Variants in ASTN2 observed in about 807,000 individuals in gnomAD.
ASTN2 encodes the protein astrotactin 2, also known as astrotactin-2.
Under a neutral mutation model 139.8 loss-of-function variants are expected in ASTN2, and 54 were observed. The ratio of observed to expected loss-of-function variants is 0.39; its 90% CI spans 0.31 to 0.48. The LOEUF (loss-of-function observed/expected upper bound fraction) is 0.48, where lower values mean the gene tolerates loss of function less well. ASTN2 is among the 20% of genes least tolerant of loss of function. The pLI, the probability that ASTN2 is intolerant of heterozygous loss-of-function variation, is 0.95. For missense variants in ASTN2, 1,565 were observed against 1,725.1 expected, an observed-to-expected ratio of 0.91 and a Z score of 1.64; for synonymous variants, 756 against 719.5, an observed-to-expected ratio of 1.05 and a Z score of -0.81.
Position 116,976,687 on chromosome 9 carries a change from C to T in ASTN2, c.1676+14G>A, listed in dbSNP as rs1339900361. On this transcript the variant is annotated intron_variant, in intron 8 of 22. Coordinates refer to ENST00000313400, the MANE Select transcript of ASTN2 (RefSeq NM_001365068.1). Reference sequence around the variant, plus strand: ...TCCTGCACTGTCCTGGACCTGATGCCCTTTGCCACTCACCCTTCACTCTGT... The same window carrying T: ...TCCTGCACTGTCCTGGACCTGATGCTCTTTGCCACTCACCCTTCACTCTGT... The T allele has an allele frequency of 2.5e-6, 4 of 1,613,622 alleles. No individual in the cohort carries two copies. The highest frequency in any genetic ancestry group is 3.4e-6 in the Non-Finnish European group (4 of 1,179,662).
rs781667297 is a variant in ASTN2, at chr9:117,291,281, C to T, written c.630+45G>A. On this transcript the variant is annotated intron_variant, in intron 2 of 22. Transcript: ENST00000313400. ...CCCCTCCATCTCTCCACCCATTCCTCCCCCACGCAATCCCCGACCCCGGTC... is the reference window on the plus strand; with the variant it reads ...CCCCTCCATCTCTCCACCCATTCCTTCCCCACGCAATCCCCGACCCCGGTC... The T allele has an allele frequency of 2.5e-6, 4 of 1,602,826 alleles. No individual in the cohort carries two copies. In the South Asian group the frequency reaches 4.5e-5, roughly 18 times the overall value.
rs184129725 is a variant in ASTN2, at chr9:117,007,246, C to T, written c.1591+846G>A. 1.1e-4 allele frequency among the ~76,000 whole-genome samples: 16 copies of T among 152,276 alleles called. No individual in the cohort carries two copies. In the East Asian group the frequency reaches 2.7e-3, roughly 26 times the overall value. On this transcript the variant is annotated intron_variant, in intron 7 of 22. Transcript: ENST00000313400. Reference sequence around the variant, plus strand: ...AACTCCCAGCTTAGCACTCCACATGCTTTGTACATCATTCTTTTCCCCTAC... The same window carrying T: ...AACTCCCAGCTTAGCACTCCACATGTTTTGTACATCATTCTTTTCCCCTAC...
chr9:117,273,380 C>G (rs149598020), intron 2 of ASTN2, among the ~76,000 whole-genome samples: 73 of 152,258 alleles, frequency 4.8e-4, no homozygotes, highest in Non-Finnish European at 9.0e-4. Flanking sequence ...AGTCTGAGCT[C>G]CATCCATTCT....
At chr9:117,221,852 A>AG (rs2133038160) in intron 2 of ASTN2, among the ~76,000 whole-genome samples, 1 of 151,584 alleles carries the variant, frequency 6.6e-6, no homozygotes, top group South Asian at 2.1e-4. Flanking sequence ...TAGAAGAAAA[A>AG]AAAAAAAGAA....
intron 16 of ASTN2, among the ~76,000 whole-genome samples, chr9:116,691,095 T>C (rs986562517): frequency 1.3e-5 from 2 of 152,096 alleles, no homozygotes; most frequent in Non-Finnish European, 2.9e-5. Flanking sequence ...ATCTTTTAAA[T>C]TTATTGTAGA....
chr9:116,569,606 G>A (rs1853408287), intron 19 of ASTN2, among the ~76,000 whole-genome samples: 1 of 152,154 alleles, frequency 6.6e-6, no homozygotes, highest in Admixed American at 6.5e-5. Flanking sequence ...GTTCTCTTCA[G>A]CTTCAATTCA....
In ASTN2 at chr9:117,214,728, C is replaced by G. The variant is rs367559816; in HGVS notation, c.645G>C (p.Ala215=). 2 of 1,500,062 alleles carry G rather than the reference C, an allele frequency of 1.3e-6. No individual in the cohort carries two copies. Among genetic ancestry groups the G allele is most frequent in the African/African-American group, 1.4e-5 (1 of 71,986 alleles). 92.9% of individuals were successfully genotyped at this position (1,500,062 alleles called of 1,614,324 possible). A position where few individuals can be genotyped will look rare whatever the true frequency, so the allele number is the denominator to read the frequency against. Residue 215 remains alanine, a synonymous_variant, in exon 3 of 23, where the codon GCG becomes GCC. Coordinates refer to ENST00000313400, the MANE Select transcript of ASTN2 (RefSeq NM_001365068.1). The stretch of plus-strand genomic sequence containing the variant: ...TGAACACCAGCAGCAGCAGCAGCAG[C>G]GCGATGAGGCCACCCTGGAGCAGGA... The part of the protein sequence containing the change: ...LHISVMGGLI[A]LLLLLLVFTV...
intron 1 of ASTN2, among the ~76,000 whole-genome samples, chr9:117,295,987 A>G (rs987464523): frequency 2.0e-5 from 3 of 151,982 alleles, no homozygotes; most frequent in Non-Finnish European, 2.9e-5. Context: ...CAGGTGAGAA[A>G]TGTAGTTCAG....
At position 116,423,257 on chromosome 9, in the gene ASTN2, A is replaced by T. The variant is rs1847232140; in HGVS notation, c.*2594T>A. 6.6e-6 allele frequency among the ~76,000 whole-genome samples: 1 copy of T among 152,208 alleles called. No individual in the cohort carries two copies. The highest frequency in any genetic ancestry group is 1.5e-5 in the Non-Finnish European group (1 of 68,038). ...AAAAAATAAAATAAAAACACTATAC[A>T]TTGCATTGGATGCATGTTAACTCCC... On this transcript the variant is annotated 3_prime_UTR_variant, in exon 23 of 23. Coordinates refer to ENST00000313400, the MANE Select transcript of ASTN2 (RefSeq NM_001365068.1).
intron 13 of ASTN2, among the ~76,000 whole-genome samples, chr9:116,802,090 T>C (rs917277838): frequency 5.4e-5 from 4 of 73,554 alleles, no homozygotes; most frequent in East Asian, 2.5e-4. Flanking sequence ...TTTCTTTTTT[T>C]TTTTTTTTTT....
intron 3 of ASTN2, among the ~76,000 whole-genome samples, chr9:117,182,165 A>C (rs1477607200): frequency 6.6e-6 from 1 of 152,108 alleles, no homozygotes; most frequent in African/African-American, 2.4e-5. Context: ...CTTCCTGAGG[A>C]AAAGAGAGCA....
intron 19 of ASTN2, among the ~76,000 whole-genome samples, chr9:116,597,462 T>A (rs1430334982): frequency 2.6e-5 from 4 of 151,808 alleles, no homozygotes; most frequent in Admixed American, 6.6e-5. Flanking sequence ...CCGGCTAATT[T>A]TTTGTATTTA....
chr9:116,742,394 T>C (rs1829118309), intron 13 of ASTN2, among the ~76,000 whole-genome samples: 1 of 152,166 alleles, frequency 6.6e-6, no homozygotes, highest in Admixed American at 6.5e-5. Context: ...CTGCAAGGAA[T>C]TGTTGAAGAG....
intron 13 of ASTN2, among the ~76,000 whole-genome samples, chr9:116,737,455 G>A (rs1828960913): frequency 8.0e-6 from 1 of 125,758 alleles, no homozygotes; most frequent in South Asian, 2.8e-4. Flanking sequence ...GCGCTCGTGT[G>A]TGTGTGTGTG....
intron 19 of ASTN2, among the ~76,000 whole-genome samples, chr9:116,570,977 G>T (rs183251818): frequency 1.2e-4 from 19 of 152,202 alleles, no homozygotes; most frequent in African/African-American, 4.3e-4. Flanking sequence ...TACATCCTGA[G>T]AGTTTTGGTA....
At chr9:116,941,668 C>A (rs916049755) in intron 10 of ASTN2, among the ~76,000 whole-genome samples, 14 of 151,546 alleles carry the variant, frequency 9.2e-5, no homozygotes, top group Non-Finnish European at 4.4e-5. Flanking sequence ...TCTCCATGGG[C>A]CAGTATAGTT....
intron 10 of ASTN2, among the ~76,000 whole-genome samples, chr9:116,871,054 C>G (rs927651877): frequency 6.6e-6 from 1 of 151,972 alleles, no homozygotes; most frequent in Admixed American, 6.6e-5. Flanking sequence ...GCCAGGAGAT[C>G]GAGACCATCC....
At chr9:116,870,574 G>C (rs1158529853) in intron 10 of ASTN2, among the ~76,000 whole-genome samples, 1 of 152,034 alleles carries the variant, frequency 6.6e-6, no homozygotes, top group East Asian at 1.9e-4. Context: ...CTCTATCTCT[G>C]ACATACAAAT....
chr9:116,802,063 GC>G (rs956322598), intron 13 of ASTN2, among the ~76,000 whole-genome samples: 2 of 147,888 alleles, frequency 1.4e-5, no homozygotes, highest in African/African-American at 5.0e-5. Flanking sequence ...CCTTTAAGGG[GC>G]CATGTTCTTT....
Sources: allele counts gnomAD v4.1 joint callset (sites outside exome capture counted in the v4.1 genomes callset), GRCh38; gene constraint gnomAD v4.1.1; transcripts MANE v1.5; gene names NCBI Gene and HGNC (gene_info 2026-07-23, HGNC 2026-07-21).